Variants in IFT172 observed in about 807,000 individuals in gnomAD.
IFT172 encodes the protein intraflagellar transport 172.
A neutral mutation model predicts 248.9 loss-of-function variants in IFT172; 164 were observed. That is an observed-to-expected ratio of 0.66 (90% CI 0.58 to 0.75). The LOEUF is 0.75. Ranked by LOEUF, IFT172 falls within the 30% of genes least tolerant of loss-of-function variation. The pLI is 0.00. For missense variants in IFT172, 1,950 were observed against 2,192.4 expected, an observed-to-expected ratio of 0.89 and a Z score of 2.21; for synonymous variants, 729 against 791.6, an observed-to-expected ratio of 0.92 and a Z score of 1.33.
At chr2:27,470,077 A>G (rs973049038) in intron 16 of IFT172, among the ~76,000 whole-genome samples, 1 of 152,038 alleles carries the variant, frequency 6.6e-6, no homozygotes, top group Non-Finnish European at 1.5e-5. Flanking sequence ...AAAGGTGCTT[A>G]AAGAAATTAA....
At chr2:27,456,374 T>C (rs1666163358) in intron 30 of IFT172, 137 bp downstream of exon 30, 5 of 1,157,556 alleles carry the variant, frequency 4.3e-6, no homozygotes, top group South Asian at 1.5e-5. Context: ...CCCTAGGGAA[T>C]AGAAGCAGTT....
intron 1 of IFT172, chr2:27,486,200 G>C (rs1668756849): frequency 6.0e-6 from 1 of 167,122 alleles, no homozygotes; most frequent in Non-Finnish European, 1.5e-5. Context: ...AGGAAAAACA[G>C]GCCAGCTCAG....
At chr2:27,457,543 C>G in intron 29 of IFT172, 96 bp downstream of exon 29, 1 of 1,103,650 alleles carries the variant, frequency 9.1e-7, no homozygotes, top group South Asian at 1.4e-5. Context: ...CCACTGCACT[C>G]CAGCCTGGGT....
In IFT172 at chr2:27,445,684, C is replaced by T; in HGVS notation, c.4914+61G>A. The T allele has an allele frequency of 6.3e-7, 1 of 1,577,254 alleles. No homozygotes were observed. Among genetic ancestry groups the T allele is most frequent in the Non-Finnish European group, 8.7e-7 (1 of 1,148,886 alleles). ...CCAAAGATGGCAGCACAAAGATATT[C>T]TCCCTCCTCAAGGCACTCACACTGG... On this transcript the variant is annotated intron_variant, in intron 45 of 47. Transcript: ENST00000260570. This position sits in a 1 kb window ranked among gnomAD's most constrained non-coding sequence, Gnocchi z 4.4.
chr2:27,482,091 TCCTGC>T (rs1238814202), intron 7 of IFT172, among the ~76,000 whole-genome samples: 1 of 151,580 alleles, frequency 6.6e-6, no homozygotes, highest in African/African-American at 2.4e-5. Flanking sequence ...CAAGCAATTC[TCCTGC>T]CTCAGCCTTC....
intron 3 of IFT172, among the ~76,000 whole-genome samples, chr2:27,484,733 G>A (rs1466844348): frequency 3.9e-5 from 6 of 152,146 alleles, no homozygotes; most frequent in Admixed American, 3.9e-4. Context: ...AGGTATATGA[G>A]GGAGCCTAAG....
chr2:27,473,325 G>A (rs1233213213), intron 14 of IFT172, among the ~76,000 whole-genome samples: 2 of 141,394 alleles, frequency 1.4e-5, no homozygotes, highest in South Asian at 2.3e-4. Flanking sequence ...AGCTGAGATC[G>A]CGCCACTTCA....
At chr2:27,446,401 G>C (rs776771308) in intron 42 of IFT172, 46 bp from the exon 43 acceptor site, 3 of 1,533,504 alleles carry the variant, frequency 2.0e-6, no homozygotes, top group African/African-American at 1.4e-5. Flanking sequence ...TAAAGTGACT[G>C]AGCTACCAGA....
chr2:27,481,543 T>C (rs1205090919), intron 7 of IFT172, among the ~76,000 whole-genome samples: 1 of 150,946 alleles, frequency 6.6e-6, no homozygotes, highest in Non-Finnish European at 1.5e-5. Flanking sequence ...ATTTTCTTTT[T>C]TCTTTTTTTT....
chr2:27,485,027 C>A lies in IFT172; in HGVS notation c.287G>T (p.Gly96Val). Residue 96 changes from glycine to valine, a missense_variant, in exon 3 of 48, where the codon GGA becomes GTA. Gly to Val is a moderately radical substitution (Grantham distance 109, BLOSUM62 -3). Around this residue, in one of 3 missense-constraint regions of IFT172, gnomAD observed 1,166 missense variants for 1,254.1 expected, o/e 0.93. Coordinates refer to ENST00000260570, the MANE Select transcript of IFT172 (RefSeq NM_015662.3). ...TDNIIYVYKIGEDWGDKKVIC... is the reference protein window; with the variant it reads ...TDNIIYVYKIVEDWGDKKVIC... Reference sequence around the variant, plus strand: ...CAGTCTCTATCCTCACCAATCTTCTCCAATCTTGTAGACATAGATGATGTT... The same window carrying A: ...CAGTCTCTATCCTCACCAATCTTCTACAATCTTGTAGACATAGATGATGTT... The A allele has an allele frequency of 2.6e-6, 4 of 1,565,062 alleles. No individual in the cohort carries two copies. Among genetic ancestry groups the A allele is most frequent in the Non-Finnish European group, 3.5e-6 (4 of 1,136,396 alleles).
At chr2:27,462,599 A>G in intron 20 of IFT172, 102 bp downstream of exon 20, 3 of 981,562 alleles carry the variant, frequency 3.1e-6, no homozygotes, top group Non-Finnish European at 4.7e-6. Flanking sequence ...AACCTTTGGA[A>G]GCCTAGTTCA....
intron 1 of IFT172, chr2:27,486,214 G>A (rs971544422): frequency 1.2e-5 from 2 of 167,168 alleles, no homozygotes; most frequent in African/African-American, 4.8e-5. Flanking sequence ...AGCTCAGGAA[G>A]TCTTTGAAGC....
intron 11 of IFT172, among the ~76,000 whole-genome samples, 178 bp from the exon 12 acceptor site, chr2:27,477,790 T>G (rs1668076438): frequency 6.6e-6 from 1 of 152,196 alleles, no homozygotes; most frequent in African/African-American, 2.4e-5. Context: ...AGAGATTTTC[T>G]GAGAGATGGC....
At chr2:27,477,476 T>C (rs756327315) in intron 12 of IFT172, 83 bp downstream of exon 12, 27 of 1,240,168 alleles carry the variant, frequency 2.2e-5, no homozygotes, top group Non-Finnish European at 3.1e-5. Flanking sequence ...TGTTTCCCTA[T>C]CCCTTGCAAC....
intron 29 of IFT172, among the ~76,000 whole-genome samples, 184 bp downstream of exon 29, chr2:27,457,455 C>T (rs1300256694): frequency 6.6e-6 from 1 of 152,126 alleles, no homozygotes; most frequent in Non-Finnish European, 1.5e-5. Flanking sequence ...CCTATAGTCC[C>T]AGCTACTCAG....
At chr2:27,449,839 C>T (rs758178953) in intron 36 of IFT172, 39 bp from the exon 37 acceptor site, 2 of 1,522,292 alleles carry the variant, frequency 1.3e-6, no homozygotes, top group East Asian at 4.5e-5. Flanking sequence ...TTTCTCCTCG[C>T]TCCCAGTCTT....
At chr2:27,469,571 C>G (rs1038664422) in intron 16 of IFT172, among the ~76,000 whole-genome samples, 1 of 151,012 alleles carries the variant, frequency 6.6e-6, no homozygotes, top group Non-Finnish European at 1.5e-5. Flanking sequence ...GTGGCTCATG[C>G]CTGTAATCCC....
intron 35 of IFT172, among the ~76,000 whole-genome samples, chr2:27,452,867 A>G (rs1440223984): frequency 6.6e-6 from 1 of 152,220 alleles, no homozygotes; most frequent in African/African-American, 2.4e-5. Flanking sequence ...GGTTTCTCCA[A>G]TACAGTATGT....
intron 47 of IFT172, 55 bp from the exon 48 acceptor site, chr2:27,444,576 T>G: frequency 7.2e-7 from 1 of 1,390,514 alleles, no homozygotes; most frequent in Non-Finnish European, 1.0e-6. Context: ...AAATACAAAA[T>G]CAGCTCCATC....
Sources: allele counts gnomAD v4.1 joint callset (sites outside exome capture counted in the v4.1 genomes callset), GRCh38; gene constraint gnomAD v4.1.1; regional missense constraint gnomAD v4.1.1; non-coding constraint Gnocchi (gnomAD v3.1); transcripts MANE v1.5; gene names NCBI Gene and HGNC (gene_info 2026-07-23, HGNC 2026-07-21).